RGS6: variants seen among roughly 807,000 people sequenced by gnomAD.
The protein encoded by RGS6 is regulator of G protein signaling 6, also known as regulator of G-protein signaling 6.
RGS6 carries 30 observed loss-of-function variants against 78.5 expected under a neutral mutation model. That is an observed-to-expected ratio of 0.38 (90% CI 0.29 to 0.52). RGS6 has a LOEUF of 0.52. Ranked by LOEUF, RGS6 falls within the 20% of genes least tolerant of loss-of-function variation. RGS6 has a pLI of 0.85. For missense variants in RGS6, 495 were observed against 609.7 expected, an observed-to-expected ratio of 0.81 and a Z score of 1.98; for synonymous variants, 206 against 206.0, an observed-to-expected ratio of 1.00 and a Z score of 0.00.
the RGS6 span, among the ~76,000 whole-genome samples, chr14:72,572,559 T>A: frequency 6.6e-6 from 1 of 152,284 alleles, no homozygotes; most frequent in South Asian, 2.1e-4. Context: ...AGACTATAGA[T>A]TGTATGACTC....
At chr14:72,284,739 G>C (rs1420827401) in intron 2 of RGS6, among the ~76,000 whole-genome samples, 2 of 152,144 alleles carry the variant, frequency 1.3e-5, no homozygotes, top group Non-Finnish European at 2.9e-5. Flanking sequence ...CCCCAGAATG[G>C]TAGATCCACT....
chr14:72,076,052 T>C (rs2094562629), intron 2 of RGS6, among the ~76,000 whole-genome samples: 1 of 152,190 alleles, frequency 6.6e-6, no homozygotes, highest in Non-Finnish European at 1.5e-5. Flanking sequence ...CTAGACATTC[T>C]CTCTAAGCAG....
intron 2 of RGS6, among the ~76,000 whole-genome samples, chr14:72,194,896 A>T (rs1204880493): frequency 1.3e-5 from 2 of 152,040 alleles, no homozygotes; most frequent in Admixed American, 6.6e-5. Context: ...CTACTATTTA[A>T]TGAGAGGTCT....
chr14:72,179,184 A>T (rs1428903141), intron 2 of RGS6, among the ~76,000 whole-genome samples: 2 of 152,206 alleles, frequency 1.3e-5, no homozygotes, highest in African/African-American at 4.8e-5. Context: ...TTGTGAGCAA[A>T]GGTCTTTTTC....
At chr14:72,561,162 C>T (rs187349930) in intron 17 of RGS6, among the ~76,000 whole-genome samples, 1 of 152,286 alleles carries the variant, frequency 6.6e-6, no homozygotes, top group African/African-American at 2.4e-5. Flanking sequence ...TACCAGGCTT[C>T]ACAAACCTGA....
At chr14:71,927,172 G>A in the RGS6 span, among the ~76,000 whole-genome samples, 1 of 152,176 alleles carries the variant, frequency 6.6e-6, no homozygotes, top group East Asian at 1.9e-4. Context: ...GGGGCCTGGT[G>A]TAGGTTTTTA....
At chr14:72,400,309 T>C (rs983987005) in intron 3 of RGS6, among the ~76,000 whole-genome samples, 3 of 152,220 alleles carry the variant, frequency 2.0e-5, no homozygotes, top group Non-Finnish European at 4.4e-5. Flanking sequence ...ATGAAAGCTA[T>C]TGGAATTGTA....
intron 2 of RGS6, among the ~76,000 whole-genome samples, chr14:72,113,885 G>GA (rs1354480974): frequency 6.6e-6 from 1 of 152,224 alleles, no homozygotes; most frequent in Non-Finnish European, 1.5e-5. Context: ...TGGACGCAGA[G>GA]AGGGGTGAAG....
chr14:72,090,675 A>T (rs1406816365), intron 2 of RGS6, among the ~76,000 whole-genome samples: 1 of 152,188 alleles, frequency 6.6e-6, no homozygotes, highest in Non-Finnish European at 1.5e-5. Context: ...TTTAATGATC[A>T]TGTTCACATA....
intron 3 of RGS6, among the ~76,000 whole-genome samples, chr14:72,433,556 A>C (rs1309298584): frequency 6.6e-6 from 1 of 152,164 alleles, no homozygotes; most frequent in African/African-American, 2.4e-5. Flanking sequence ...CTAACTAAAA[A>C]AGTCTTTTTA....
At chr14:71,980,687 C>T (rs1414789864) in intron 2 of RGS6, among the ~76,000 whole-genome samples, 1 of 80,178 alleles carries the variant, frequency 1.2e-5, no homozygotes, top group Non-Finnish European at 2.4e-5. Context: ...CTCTGGCTGC[C>T]CTTAACATTT....
Position 71,936,117 on chromosome 14 carries a change from A to AT in RGS6, c.-21+3177dup, listed in dbSNP as rs1265398203. ...ATATATACATATGATATATGTACAT[A>AT]TACCATATATCTATAAAGGGGAGTT... is the stretch of plus-strand genomic sequence containing the variant. On this transcript the variant is annotated intron_variant, in intron 1 of 17. Transcript: ENST00000553525. 1.8e-4 allele frequency among the ~76,000 whole-genome samples: 27 copies of AT among 149,690 alleles called. 1 individual carries two copies. In the Admixed American group the frequency reaches 1.8e-3, roughly 10 times the overall value.
chr14:72,076,655 A>T (rs1445929930), intron 2 of RGS6, among the ~76,000 whole-genome samples: 1 of 152,038 alleles, frequency 6.6e-6, no homozygotes, highest in African/African-American at 2.4e-5. Flanking sequence ...AAACCTCCTG[A>T]GTAGCTGGGA....
intron 2 of RGS6, among the ~76,000 whole-genome samples, chr14:72,069,591 G>T (rs1034950839): frequency 6.6e-6 from 1 of 152,136 alleles, no homozygotes; most frequent in African/African-American, 2.4e-5. Flanking sequence ...CCAGGCTGGA[G>T]TGCAGTGGTG....
intron 2 of RGS6, among the ~76,000 whole-genome samples, chr14:71,972,875 CTTT>C (rs1566936033): frequency 1.3e-5 from 2 of 152,142 alleles, no homozygotes; most frequent in East Asian, 3.9e-4. Context: ...AATGAGGAGT[CTTT>C]TCCCTAGGCT....
At chr14:72,115,174 C>T (rs898780864) in intron 2 of RGS6, among the ~76,000 whole-genome samples, 3 of 152,148 alleles carry the variant, frequency 2.0e-5, no homozygotes, top group African/African-American at 7.2e-5. Flanking sequence ...AATCTTCAAC[C>T]CTAGCGCTCG....
chr14:72,570,249 G>A (rs1374456596), downstream of RGS6, among the ~76,000 whole-genome samples: 2 of 152,158 alleles, frequency 1.3e-5, no homozygotes, highest in African/African-American at 4.8e-5. Context: ...AAGTATATAG[G>A]AGGATGTGCT....
At chr14:72,212,458 GT>G (rs1446414906) in intron 2 of RGS6, among the ~76,000 whole-genome samples, 3 of 152,226 alleles carry the variant, frequency 2.0e-5, no homozygotes, top group Non-Finnish European at 4.4e-5. Context: ...CATGAAGGCA[GT>G]GTTTTTGTCC....
At chr14:72,316,888 G>A (rs961255013) in intron 2 of RGS6, among the ~76,000 whole-genome samples, 9 of 136,226 alleles carry the variant, frequency 6.6e-5, no homozygotes, top group Non-Finnish European at 4.7e-5. Flanking sequence ...AGAATTGAAA[G>A]CAGGTGAAGT....
Sources: allele counts gnomAD v4.1 joint callset (sites outside exome capture counted in the v4.1 genomes callset), GRCh38; gene constraint gnomAD v4.1.1; transcripts MANE v1.5; gene names NCBI Gene and HGNC (gene_info 2026-07-23, HGNC 2026-07-21).